Variants in MAX observed in about 807,000 individuals in gnomAD.
MAX encodes the protein MYC associated transcriptional regulator X.
MAX carries 3 observed loss-of-function variants against 22.3 expected under a neutral mutation model. The observed-to-expected ratio is 0.13, with a 90% CI of 0.06 to 0.35. The LOEUF is 0.35. MAX is among the 10% of genes least tolerant of loss of function. The pLI is 1.00. For synonymous variants in MAX, 72 were observed against 77.7 expected, an observed-to-expected ratio of 0.93 and a Z score of 0.39; for missense variants, 119 against 209.4, an observed-to-expected ratio of 0.57 and a Z score of 2.66.
chr14:65,068,194 G>A (rs932005991), intron 3 of MAX, among the ~76,000 whole-genome samples: 1 of 152,040 alleles, frequency 6.6e-6, no homozygotes, highest in African/African-American at 2.4e-5. Flanking sequence ...CAGCACTTTG[G>A]CAGGCTGAGG....
In MAX at chr14:65,093,672, T is replaced by C. The variant is rs115053488; in HGVS notation, c.171+36A>G. 1,507 of 1,097,292 alleles carry C rather than the reference T, an allele frequency of 1.4e-3. 20 individuals are homozygous for C. In the African/African-American group the frequency reaches 0.018, roughly 13 times the overall value. 68.0% of individuals were successfully genotyped at this position (1,097,292 alleles called of 1,614,324 possible). Reference sequence around the variant, plus strand: ...AGCTCTGCAACAAGTTCCAAGCTAGTAGTGGCCAGCTACTCAGCTTTCTCA... The same window carrying C: ...AGCTCTGCAACAAGTTCCAAGCTAGCAGTGGCCAGCTACTCAGCTTTCTCA... On this transcript the variant is annotated intron_variant, in intron 3 of 4. Transcript: ENST00000358664. This position sits in a 1 kb window ranked among gnomAD's most constrained non-coding sequence, Gnocchi z 4.4.
At chr14:65,066,197 C>T (rs935669029) in intron 3 of MAX, among the ~76,000 whole-genome samples, 1 of 152,220 alleles carries the variant, frequency 6.6e-6, no homozygotes, top group African/African-American at 2.4e-5. Context: ...CTCCACTTGC[C>T]ACCAAGTGTG....
In MAX at chr14:65,032,636, C is replaced by T; in HGVS notation, c.172-26352G>A. On this transcript the variant is annotated intron_variant, in intron 3 of 3. Coordinates refer to the MAX transcript ENST00000341653. This position sits in a 1 kb window ranked among gnomAD's most constrained non-coding sequence, Gnocchi z 5.0. ...AGCGCATACTGTGCTGCCTCCGTAGCCTCGCTGACCAACATCATCACTCCA... is the reference window on the plus strand; with the variant it reads ...AGCGCATACTGTGCTGCCTCCGTAGTCTCGCTGACCAACATCATCACTCCA... 6.2e-7 allele frequency: 1 copy of T among 1,613,982 alleles called. No homozygotes were observed. The highest frequency in any genetic ancestry group is 1.1e-5 in the South Asian group (1 of 91,072).
Position 65,044,839 on chromosome 14 carries a change from A to ACTGAG in MAX, c.172-38556_172-38555insCTCAG. Reference sequence around the variant, plus strand: ...GTGTTGCAACAGTCACTGTTGCAACAGCAACAGGAAAGGCAACTGCGTAAA... The same window carrying ACTGAG: ...GTGTTGCAACAGTCACTGTTGCAACACTGAGGCAACAGGAAAGGCAACTGCGTAAA... On this transcript the variant is annotated intron_variant, in intron 3 of 3. Transcript: ENST00000341653. The surrounding 1 kb of genome is among the most constrained non-coding windows in gnomAD (Gnocchi z 5.5). The ACTGAG allele has an allele frequency of 5.9e-6, 1 of 170,036 alleles. No individual in the cohort carries two copies. 10.5% of individuals were successfully genotyped at this position (170,036 alleles called of 1,614,324 possible). A position where few individuals can be genotyped will look rare whatever the true frequency, so the allele number is the denominator to read the frequency against.
Position 65,075,666 on chromosome 14 carries a change from G to T in MAX, c.*810C>A, listed in dbSNP as rs1456430604. The T allele has an allele frequency of 9.4e-7, 1 of 1,066,278 alleles. No individual in the cohort carries two copies. Among genetic ancestry groups the T allele is most frequent in the East Asian group, 5.0e-5 (1 of 20,172 alleles). 66.1% of individuals were successfully genotyped at this position (1,066,278 alleles called of 1,614,324 possible). A position where few individuals can be genotyped will look rare whatever the true frequency, so the allele number is the denominator to read the frequency against. The stretch of plus-strand genomic sequence containing the variant: ...AATAAATATCAAAACATCATCACTG[G>T]CCCTCAATACAAAACCTCTATGCCA... On this transcript the variant is annotated 3_prime_UTR_variant, in exon 5 of 5. Coordinates refer to ENST00000358664, the MANE Select transcript of MAX (RefSeq NM_002382.5). This position sits in a 1 kb window ranked among gnomAD's most constrained non-coding sequence, Gnocchi z 4.1.
intron 3 of MAX, among the ~76,000 whole-genome samples, chr14:65,024,270 G>C (rs1164168556): frequency 6.6e-6 from 1 of 152,136 alleles, no homozygotes; most frequent in African/African-American, 2.4e-5. Flanking sequence ...ACTGCCACCT[G>C]GGTCCCACCC....
chr14:65,093,720 G>A lies in MAX; in HGVS notation c.159C>T (p.Leu53=), dbSNP rs1187607686. ...TCAGGAAACTCACCTTCTCTCCTTG[G>A]AGTGATGGGACTGAGTCCCGCAAAC... is the stretch of plus-strand genomic sequence containing the variant. ...FHSLRDSVPS[L]QGEKASRAQI... is the part of the protein sequence containing the mutation. Residue 53 remains leucine, a synonymous_variant, in exon 3 of 5, where the codon CTC becomes CTT. Coordinates refer to ENST00000358664, the MANE Select transcript of MAX (RefSeq NM_002382.5). The surrounding 1 kb of genome is among the most constrained non-coding windows in gnomAD (Gnocchi z 4.4). 3.8e-6 allele frequency: 6 copies of A among 1,595,360 alleles called. No homozygotes were observed. The South Asian group carries it at 6.6e-5, about 18-fold the overall frequency.
intron 3 of MAX, among the ~76,000 whole-genome samples, chr14:65,056,931 G>A (rs2062749513): frequency 6.6e-6 from 1 of 152,172 alleles, no homozygotes; most frequent in Non-Finnish European, 1.5e-5. Flanking sequence ...GGGTTGTGCT[G>A]CATTATAACA....
chr14:65,077,684 C>T lies in MAX; in HGVS notation c.295+229G>A, dbSNP rs1386292970. The T allele has an allele frequency of 7.8e-6, 12 of 1,537,542 alleles. No homozygotes were observed. In the Admixed American group the frequency reaches 1.6e-4, roughly 20 times the overall value. On this transcript the variant is annotated intron_variant, in intron 4 of 4. Coordinates refer to ENST00000358664, the MANE Select transcript of MAX (RefSeq NM_002382.5). This position sits in a 1 kb window ranked among gnomAD's most constrained non-coding sequence, Gnocchi z 6.3. ...GGGAGAGGTCAGGCCAGAAAAGATA[C>T]AAGTCTCCAGATGTCCAACTTCCTA...
In MAX at chr14:65,076,808, G is replaced by A; in HGVS notation, c.296-145C>T. On this transcript the variant is annotated intron_variant, in intron 4 of 4. Coordinates refer to ENST00000358664, the MANE Select transcript of MAX (RefSeq NM_002382.5). This position sits in a 1 kb window ranked among gnomAD's most constrained non-coding sequence, Gnocchi z 6.6. ...AGATGCTCAGAAGTAGCTCCCTTCG[G>A]GTGGCTGTTCACTCACACACTTCAT... 1 of 884,170 alleles carries A rather than the reference G, an allele frequency of 1.1e-6. No homozygotes were observed. Among genetic ancestry groups the A allele is most frequent in the Non-Finnish European group, 1.8e-6 (1 of 540,756 alleles). 54.8% of individuals were successfully genotyped at this position (884,170 alleles called of 1,614,324 possible).
intron 2 of MAX, chr14:65,094,361 C>G (rs914791217): frequency 1.2e-5 from 2 of 172,270 alleles, no homozygotes; most frequent in African/African-American, 2.4e-5. Flanking sequence ...ACAACAGAAG[C>G]TAAAACCTCT....
intron 3 of MAX, among the ~76,000 whole-genome samples, chr14:65,035,701 T>TA (rs374521318): frequency 3.7e-4 from 55 of 150,412 alleles, no homozygotes; most frequent in Middle Eastern, 6.8e-3. Context: ...AGCTAATGTT[T>TA]AAAAAAAAAA....
intron 3 of MAX, among the ~76,000 whole-genome samples, chr14:65,087,437 A>G (rs1457817625): frequency 6.6e-6 from 1 of 152,220 alleles, no homozygotes; most frequent in African/African-American, 2.4e-5. Flanking sequence ...GCAAAGCCAC[A>G]AGGGTAGAGC....
In MAX at chr14:65,076,869, A is replaced by T; in HGVS notation, c.296-206T>A. The stretch of plus-strand genomic sequence containing the variant: ...CCTTTCCCAGCTGGACCTGGGAGCC[A>T]GCAGACACTCTGCAATCCCACCCAA... On this transcript the variant is annotated intron_variant, in intron 4 of 4. Transcript: ENST00000358664. The surrounding 1 kb of genome is among the most constrained non-coding windows in gnomAD (Gnocchi z 6.6). The T allele has an allele frequency of 1.5e-6, 1 of 652,692 alleles. No individual in the cohort carries two copies. The highest frequency in any genetic ancestry group is 2.8e-6 in the Non-Finnish European group (1 of 361,302). The allele number at this position is 652,692 out of a possible 1,614,324, so 40.4% of individuals were successfully genotyped here. A position where few individuals can be genotyped will look rare whatever the true frequency, so the allele number is the denominator to read the frequency against.
At position 65,029,658 on chromosome 14, in the gene MAX, G is replaced by A. The variant is rs1484199733; in HGVS notation, c.172-23374C>T. 1.3e-5 allele frequency among the ~76,000 whole-genome samples: 2 copies of A among 152,178 alleles called. No individual in the cohort carries two copies. Among genetic ancestry groups the A allele is most frequent in the Non-Finnish European group, 2.9e-5 (2 of 68,026 alleles). ...GATCTAGCATTTGCAGAAGTTTGGTGAGAAAGCATGTGTTGCTCAAGAAAG... is the reference window on the plus strand; with the variant it reads ...GATCTAGCATTTGCAGAAGTTTGGTAAGAAAGCATGTGTTGCTCAAGAAAG... On this transcript the variant is annotated intron_variant, in intron 3 of 3. Transcript: ENST00000341653. The surrounding 1 kb of genome is among the most constrained non-coding windows in gnomAD (Gnocchi z 4.7).
intron 3 of MAX, among the ~76,000 whole-genome samples, chr14:65,060,067 G>A (rs1297383011): frequency 9.3e-5 from 14 of 151,226 alleles, no homozygotes; most frequent in Admixed American, 6.6e-5. Flanking sequence ...TCCTGACCTC[G>A]GGTGATCCAT....
chr14:65,027,197 C>T lies in MAX; in HGVS notation c.172-20913G>A, dbSNP rs2061998931. Among the ~76,000 whole-genome samples the T allele has an allele frequency of 6.6e-6, 1 of 152,194 alleles. No homozygotes were observed. The highest frequency in any genetic ancestry group is 1.5e-5 in the Non-Finnish European group (1 of 68,044). ...ATAGCTACGAAAGTCGGTTTCTTCCCAGCCTTGTGTTCCCTGCTTCATGAC... is the reference window on the plus strand; with the variant it reads ...ATAGCTACGAAAGTCGGTTTCTTCCTAGCCTTGTGTTCCCTGCTTCATGAC... On this transcript the variant is annotated intron_variant, in intron 3 of 3. Transcript: ENST00000341653. The surrounding 1 kb of genome is among the most constrained non-coding windows in gnomAD (Gnocchi z 5.7).
At chr14:65,017,320 T>G (rs2061794786) in intron 3 of MAX, among the ~76,000 whole-genome samples, 1 of 152,172 alleles carries the variant, frequency 6.6e-6, no homozygotes, top group Admixed American at 6.6e-5. Flanking sequence ...AGTTTTCCCT[T>G]CACTCTTGCA....
Position 65,075,640 on chromosome 14 carries a change from A to T in MAX, c.*836T>A, listed in dbSNP as rs768156086. 40 of 1,066,368 alleles carry T rather than the reference A, an allele frequency of 3.8e-5. No individual in the cohort carries two copies. Among genetic ancestry groups the T allele is most frequent in the Non-Finnish European group, 4.5e-5 (40 of 879,808 alleles). 66.1% of individuals were successfully genotyped at this position (1,066,368 alleles called of 1,614,324 possible). A position where few individuals can be genotyped will look rare whatever the true frequency, so the allele number is the denominator to read the frequency against. On this transcript the variant is annotated 3_prime_UTR_variant, in exon 5 of 5. Transcript: ENST00000358664. This position sits in a 1 kb window ranked among gnomAD's most constrained non-coding sequence, Gnocchi z 4.1. ...CTCAGATTCAAATTTAAGTAGCAGG[A>T]AATAAATATCAAAACATCATCACTG...
Sources: allele counts gnomAD v4.1 joint callset (sites outside exome capture counted in the v4.1 genomes callset), GRCh38; gene constraint gnomAD v4.1.1; non-coding constraint Gnocchi (gnomAD v3.1); transcripts MANE v1.5; gene names NCBI Gene and HGNC (gene_info 2026-07-23, HGNC 2026-07-21).